CIT: variants seen among roughly 807,000 people sequenced by gnomAD.
CIT encodes citron Rho-interacting kinase.
Under a neutral mutation model 272.7 loss-of-function variants are expected in CIT, and 79 were observed. That is an observed-to-expected ratio of 0.29 (90% CI 0.24 to 0.35). The LOEUF is 0.35. Ranked by LOEUF, CIT falls within the 10% of genes least tolerant of loss-of-function variation. The pLI, the probability that CIT is intolerant of heterozygous loss-of-function variation, is 1.00. For synonymous variants in CIT, 948 were observed against 995.6 expected (o/e 0.95, Z 0.90); for missense variants, 1,909 against 2,618.3 (o/e 0.73, Z 5.91).
At chr12:119,735,502 A>G in intron 24 of CIT, 145 bp from the exon 25 acceptor site, 3 of 721,686 alleles carry the variant, frequency 4.2e-6, no homozygotes, top group Non-Finnish European at 2.4e-6. Context: ...CGTGAGAGCC[A>G]TGTCCAAGCT....
chr12:119,789,121 A>G (rs1403601136), intron 10 of CIT, among the ~76,000 whole-genome samples: 2 of 152,192 alleles, frequency 1.3e-5, no homozygotes, highest in African/African-American at 4.8e-5. Context: ...CCCCATTCAG[A>G]CCAATTAAAT....
intron 16 of CIT, among the ~76,000 whole-genome samples, chr12:119,773,424 G>A (rs1378108911): frequency 1.3e-5 from 2 of 152,016 alleles, no homozygotes; most frequent in African/African-American, 2.4e-5. Context: ...TCATTCAAAT[G>A]ACTTCACCTG....
At chr12:119,701,540 GCTCCATGTACC>G in intron 43 of CIT, 73 bp downstream of exon 43, 1 of 1,496,522 alleles carries the variant, frequency 6.7e-7, no homozygotes, top group Non-Finnish European at 9.1e-7. Flanking sequence ...CTGCCCCAGA[GCTCCATGTACC>G]CTCCTCCAAC....
At chr12:119,809,837 A>G (rs1360256355) in intron 9 of CIT, among the ~76,000 whole-genome samples, 1 of 152,186 alleles carries the variant, frequency 6.6e-6, no homozygotes, top group African/African-American at 2.4e-5. Context: ...CCATTTCTAC[A>G]TGGTTGTTGA....
intron 24 of CIT, 69 bp from the exon 25 acceptor site, chr12:119,735,426 C>T (rs1042477106): frequency 2.1e-5 from 32 of 1,509,492 alleles, no homozygotes; most frequent in Non-Finnish European, 2.8e-5. Context: ...GCTTCTAGGG[C>T]TATGGATTTC....
At position 119,784,626 on chromosome 12, in the gene CIT, C is replaced by T. The variant is rs964704701; in HGVS notation, c.1401+334G>A. 6 of 1,216,910 alleles carry T rather than the reference C, an allele frequency of 4.9e-6. No individual in the cohort carries two copies. The highest frequency in any genetic ancestry group is 8.1e-5 in the Admixed American group (2 of 24,626). 75.4% of individuals were successfully genotyped at this position (1,216,910 alleles called of 1,614,324 possible). The stretch of plus-strand genomic sequence containing the variant: ...TAAAAGACTAGGAAGAGAGACTTCG[C>T]ATCACTCAAAGCAGATGGGATGTAT... On this transcript the variant is annotated intron_variant, in intron 11 of 47. Coordinates refer to ENST00000392521, the MANE Select transcript of CIT (RefSeq NM_001206999.2). The surrounding 1 kb of genome is among the most constrained non-coding windows in gnomAD (Gnocchi z 4.7).
chr12:119,860,413 T>C (rs1950302696), intron 3 of CIT, among the ~76,000 whole-genome samples: 1 of 152,172 alleles, frequency 6.6e-6, no homozygotes, highest in Admixed American at 6.6e-5. Context: ...GTATTTTCCT[T>C]TTACCCTGAC....
chr12:119,790,566 C>T (rs1042784061), intron 10 of CIT, among the ~76,000 whole-genome samples: 29 of 151,906 alleles, frequency 1.9e-4, no homozygotes, highest in African/African-American at 6.8e-4. Flanking sequence ...CTTCTCTAAG[C>T]GTGTGTGTGA....
chr12:119,803,415 G>T, intron 9 of CIT, 26 bp from the exon 10 acceptor site: 1 of 1,507,072 alleles, frequency 6.6e-7, no homozygotes, highest in Non-Finnish European at 8.9e-7. Context: ...CAAGAAAGGA[G>T]GCGGGGAGGA....
At chr12:119,689,817 A>G (rs1480229234) in intron 47 of CIT, among the ~76,000 whole-genome samples, 1 of 151,686 alleles carries the variant, frequency 6.6e-6, no homozygotes. Context: ...AGCTGGGACT[A>G]CAGGCACCAG....
intron 18 of CIT, among the ~76,000 whole-genome samples, chr12:119,767,912 CTT>C (rs746988178): frequency 2.5e-4 from 34 of 136,194 alleles, no homozygotes; most frequent in Non-Finnish European, 2.4e-4. Flanking sequence ...AAGTTTCCAG[CTT>C]TTTTTTTTTT....
chr12:119,766,638 T>C (rs1329615113), intron 19 of CIT, among the ~76,000 whole-genome samples: 1 of 152,192 alleles, frequency 6.6e-6, no homozygotes, highest in African/African-American at 2.4e-5. Flanking sequence ...GTAATTAGAT[T>C]ATTTGTAACT....
chr12:119,767,298 GTCC>G (rs1274543950), intron 18 of CIT, 116 bp from the exon 19 acceptor site: 2 of 711,602 alleles, frequency 2.8e-6, no homozygotes, highest in Non-Finnish European at 4.6e-6. Flanking sequence ...CGGTCATCTG[GTCC>G]TCCATTACTA....
chr12:119,767,277 A>G (rs1962559353), intron 18 of CIT, 95 bp from the exon 19 acceptor site: 1 of 923,828 alleles, frequency 1.1e-6, no homozygotes, highest in Admixed American at 2.3e-5. Flanking sequence ...TGGTACAGGT[A>G]CCACAGGTAA....
chr12:119,776,435 G>A, intron 14 of CIT, 27 bp from the exon 15 acceptor site: 1 of 1,603,678 alleles, frequency 6.2e-7, no homozygotes, highest in Non-Finnish European at 8.5e-7. Flanking sequence ...ACAACATATT[G>A]GGAAATCTCA....
At chr12:119,754,288 G>T (rs959611469) in intron 22 of CIT, among the ~76,000 whole-genome samples, 13 of 152,178 alleles carry the variant, frequency 8.5e-5, no homozygotes, top group Admixed American at 4.6e-4. Flanking sequence ...AGAAAGTCTG[G>T]CTCAAGAGTC....
chr12:119,744,392 C>T (rs1484871784), intron 23 of CIT, among the ~76,000 whole-genome samples: 2 of 149,242 alleles, frequency 1.3e-5, no homozygotes, highest in Non-Finnish European at 3.0e-5. Flanking sequence ...AGTGATCCTT[C>T]TATTTAATTA....
intron 7 of CIT, among the ~76,000 whole-genome samples, chr12:119,828,623 C>T (rs1006188314): frequency 4.0e-5 from 6 of 151,628 alleles, no homozygotes; most frequent in Admixed American, 2.0e-4. Context: ...AGTGCAGTGG[C>T]GCGATCTTGG....
Position 119,734,338 on chromosome 12 carries a change from G to C in CIT, c.3176C>G (p.Thr1059Ser), listed in dbSNP as rs865956587. Reference sequence around the variant, plus strand: ...CTGTTCCTCCAGCATGGTGCACGTGGTCTTCAGAGCCTCCATCGTCTGCAA... The same window carrying C: ...CTGTTCCTCCAGCATGGTGCACGTGCTCTTCAGAGCCTCCATCGTCTGCAA... ...SQKQTMEALK[T>S]TCTMLEEQVM... The change falls in exon 26 of 48, where the codon ACC becomes AGC. Residue 1059 changes from threonine (T) to serine (S), a missense_variant. Transcript: ENST00000392521. 1.2e-6 allele frequency: 2 copies of C among 1,613,232 alleles called. No homozygotes were observed. The highest frequency in any genetic ancestry group is 2.7e-5 in the African/African-American group (2 of 74,942).
Sources: gnomAD v4.1 joint callset for allele counts (sites outside exome capture counted in the v4.1 genomes callset) on GRCh38, gnomAD v4.1.1 for gene constraint, Gnocchi (gnomAD v3.1) non-coding constraint, MANE v1.5 for transcripts, NCBI Gene and HGNC (gene_info 2026-07-23, HGNC 2026-07-21) for gene names.